SLC4A4: variants seen among roughly 807,000 people sequenced by gnomAD.
SLC4A4 encodes solute carrier family 4 member 4, also known as electrogenic sodium bicarbonate cotransporter 1.
In SLC4A4, 27 loss-of-function variants were observed where a neutral mutation model predicts 111.5. The ratio of observed to expected loss-of-function variants is 0.24; its 90% CI spans 0.18 to 0.33. The LOEUF (loss-of-function observed/expected upper bound fraction) is 0.33. SLC4A4 is among the 10% of genes least tolerant of loss of function. SLC4A4 has a pLI of 1.00. For missense variants in SLC4A4, 909 were observed against 1,315.5 expected (o/e 0.69, Z 4.78); for synonymous variants, 443 against 463.4 (o/e 0.96, Z 0.57).
chr4:71,548,673 C>T lies in SLC4A4; in HGVS notation c.2694+953C>T, dbSNP rs575946862. Among the ~76,000 whole-genome samples, 5 of 151,950 alleles carry T rather than the reference C, an allele frequency of 3.3e-5. No homozygotes were observed. In the East Asian group the frequency reaches 9.7e-4, roughly 30 times the overall value. ...TTCTCTTACAATTTTTATTTTTAAA[C>T]ATTTTAATTTTAAAGGCTTTTAAAA... On this transcript the variant is annotated intron_variant, in intron 20 of 25. Transcript: ENST00000264485.
At chr4:71,117,827 G>A (rs1175567431) in intron 2 of SLC4A4, among the ~76,000 whole-genome samples, 1 of 150,552 alleles carries the variant, frequency 6.6e-6, no homozygotes, top group Admixed American at 6.6e-5. Flanking sequence ...TTCCTTCTTT[G>A]TCCTATGCAA....
In SLC4A4 at chr4:71,502,257, C is replaced by T. The variant is rs184334888; in HGVS notation, c.2166+4565C>T. Among the ~76,000 whole-genome samples, 33 of 152,262 alleles carry T rather than the reference C, an allele frequency of 2.2e-4. No individual in the cohort carries two copies. The East Asian group carries it at 2.5e-3, about 12-fold the overall frequency. On this transcript the variant is annotated intron_variant, in intron 16 of 25. Transcript: ENST00000264485. Reference sequence around the variant, plus strand: ...ATTACTGGCGAGAGCCACTGCACCCCGGCTGATTTTGTTTATCTTTAAAGA... The same window carrying T: ...ATTACTGGCGAGAGCCACTGCACCCTGGCTGATTTTGTTTATCTTTAAAGA...
At chr4:71,367,454 A>T (rs1244455096) in intron 6 of SLC4A4, among the ~76,000 whole-genome samples, 6 of 152,240 alleles carry the variant, frequency 3.9e-5, no homozygotes, top group Admixed American at 3.9e-4. Context: ...AATGTTTGCC[A>T]GTTGTTTAGC....
chr4:71,278,340 T>C (rs1015834432), intron 3 of SLC4A4, among the ~76,000 whole-genome samples: 1 of 152,224 alleles, frequency 6.6e-6, no homozygotes, highest in Non-Finnish European at 1.5e-5. Flanking sequence ...CATTCATCTC[T>C]GGATGGACAC....
intron 1 of SLC4A4, among the ~76,000 whole-genome samples, chr4:71,091,896 A>AT (rs1393209120): frequency 1.3e-5 from 2 of 152,118 alleles, no homozygotes; most frequent in South Asian, 2.1e-4. Flanking sequence ...TTTTTACTGC[A>AT]TTTTTTCCTG....
At chr4:71,453,370 A>T (rs997703260) in intron 11 of SLC4A4, 125 bp from the exon 12 acceptor site, 2 of 963,338 alleles carry the variant, frequency 2.1e-6, no homozygotes, top group Non-Finnish European at 3.3e-6. Context: ...TAAGTGGTTA[A>T]GTAGTATCTT....
chr4:71,424,616 A>T (rs1722919234), intron 7 of SLC4A4, among the ~76,000 whole-genome samples: 1 of 152,186 alleles, frequency 6.6e-6, no homozygotes, highest in Admixed American at 6.6e-5. Flanking sequence ...GATAGACTGA[A>T]TTAAGAAAAT....
rs1736364395 is a variant in SLC4A4, at chr4:71,555,184, A to C, written c.2739A>C (p.Gly913=). 1 of 1,609,984 alleles carries C rather than the reference A, an allele frequency of 6.2e-7. No homozygotes were observed. Among genetic ancestry groups the C allele is most frequent in the Non-Finnish European group, 8.5e-7 (1 of 1,177,028 alleles). ...PVLYGVFLYM[G]VASLNGVQFM... is the part of the protein sequence containing the mutation. ...TCTATGGTGTGTTCCTGTATATGGG[A>C]GTAGCATCCCTTAATGGTGTGCAGG... The change falls in exon 21 of 26, where the codon GGA becomes GGC. Residue 913 remains glycine, a synonymous_variant. Coordinates refer to ENST00000264485, the MANE Select transcript of SLC4A4 (RefSeq NM_001098484.3).
chr4:71,106,058 A>T (rs1201584193), intron 2 of SLC4A4, among the ~76,000 whole-genome samples: 1 of 142,884 alleles, frequency 7.0e-6, no homozygotes, highest in Non-Finnish European at 1.5e-5. Flanking sequence ...TCTACAATGA[A>T]CTCAAACAAA....
chr4:71,168,743 A>T (rs1744853196), intron 2 of SLC4A4, among the ~76,000 whole-genome samples: 1 of 152,128 alleles, frequency 6.6e-6, no homozygotes, highest in Non-Finnish European at 1.5e-5. Context: ...TTCACTTCAC[A>T]TAATGACCTC....
At chr4:71,258,482 C>T (rs1267510682) in intron 3 of SLC4A4, among the ~76,000 whole-genome samples, 1 of 152,148 alleles carries the variant, frequency 6.6e-6, no homozygotes, top group Admixed American at 6.5e-5. Context: ...GGATTGTAAA[C>T]TCCGTGAGAG....
intron 1 of SLC4A4, among the ~76,000 whole-genome samples, chr4:71,224,131 CG>C: frequency 6.7e-6 from 1 of 150,358 alleles, no homozygotes; most frequent in African/African-American, 2.5e-5. Context: ...CATCCATAGC[CG>C]TTCCCTAAGT....
chr4:71,510,135 C>G (rs781387762), intron 16 of SLC4A4, among the ~76,000 whole-genome samples: 50 of 152,072 alleles, frequency 3.3e-4, no homozygotes, highest in Non-Finnish European at 5.3e-4. Context: ...GCAAGGACTT[C>G]TGGTATCTCT....
At chr4:71,200,417 C>G (rs181572788) in intron 1 of SLC4A4, among the ~76,000 whole-genome samples, 41 of 152,286 alleles carry the variant, frequency 2.7e-4, no homozygotes, top group African/African-American at 9.1e-4. Flanking sequence ...TCTGTTTCAA[C>G]ATATTCAATA....
intron 1 of SLC4A4, among the ~76,000 whole-genome samples, chr4:71,188,359 A>G (rs965929234): frequency 1.1e-4 from 17 of 152,092 alleles, no homozygotes; most frequent in African/African-American, 4.1e-4. Flanking sequence ...CCTTCTCAGC[A>G]TAATTGATCG....
At chr4:71,329,178 G>C (rs1727748226) in intron 3 of SLC4A4, among the ~76,000 whole-genome samples, 1 of 151,816 alleles carries the variant, frequency 6.6e-6, no homozygotes, top group African/African-American at 2.4e-5. Flanking sequence ...CCATTGGTTT[G>C]TGTGTCATTT....
At chr4:71,353,138 C>T (rs921101645) in intron 5 of SLC4A4, among the ~76,000 whole-genome samples, 1 of 152,146 alleles carries the variant, frequency 6.6e-6, no homozygotes, top group African/African-American at 2.4e-5. Flanking sequence ...AGAGGTTAGC[C>T]AAGCATTTTG....
intron 3 of SLC4A4, among the ~76,000 whole-genome samples, chr4:71,313,896 A>C (rs1478677633): frequency 6.6e-6 from 1 of 152,224 alleles, no homozygotes; most frequent in East Asian, 1.9e-4. Flanking sequence ...AAGCAATTGC[A>C]ACAAAAGCCA....
chr4:71,241,696 C>T (rs530094405), intron 2 of SLC4A4, among the ~76,000 whole-genome samples: 1 of 152,228 alleles, frequency 6.6e-6, no homozygotes, highest in African/African-American at 2.4e-5. Context: ...TCTAATTGCT[C>T]AGAAAAACAG....
Sources: gnomAD v4.1 joint callset for allele counts (sites outside exome capture counted in the v4.1 genomes callset) on GRCh38, gnomAD v4.1.1 for gene constraint, MANE v1.5 for transcripts, NCBI Gene and HGNC (gene_info 2026-07-23, HGNC 2026-07-21) for gene names.